Variants in GALE observed in about 807,000 individuals in gnomAD.
The protein encoded by GALE is UDP-galactose-4-epimerase, also known as UDP-glucose 4-epimerase.
A neutral mutation model predicts 44.1 loss-of-function variants in GALE; 32 were observed. The ratio of observed to expected loss-of-function variants is 0.73; its 90% CI spans 0.55 to 0.97. GALE has a LOEUF of 0.97. GALE is among the 50% of genes least tolerant of loss of function. The pLI is 0.00. For synonymous variants in GALE, 182 were observed against 183.5 expected (o/e 0.99, Z 0.06); for missense variants, 423 against 455.6 (o/e 0.93, Z 0.65).
chr1:23,796,447 G>A lies in GALE; in HGVS notation c.873+62C>T, dbSNP rs1201016375. The A allele has an allele frequency of 6.6e-6, 10 of 1,509,048 alleles. No individual in the cohort carries two copies. In the East Asian group the frequency reaches 2.2e-4, roughly 33 times the overall value. The allele number at this position is 1,509,048 out of a possible 1,614,324, so 93.5% of individuals were successfully genotyped here. ...GAGGTGAGTGGGAAGGGCCAAAGCT[G>A]CTCTGTTGCTGAGAGCTGGGTGGGG... On this transcript the variant is annotated intron_variant, in intron 10 of 11. Coordinates refer to ENST00000617979, the MANE Select transcript of GALE (RefSeq NM_001008216.2). This position sits in a 1 kb window ranked among gnomAD's most constrained non-coding sequence, Gnocchi z 5.2.
chr1:23,795,712 T>C lies in GALE; in HGVS notation c.*237A>G, dbSNP rs1638924640. 5.0e-6 allele frequency: 3 copies of C among 596,474 alleles called. No homozygotes were observed. The highest frequency in any genetic ancestry group is 1.9e-5 in the African/African-American group (1 of 53,828). The allele number at this position is 596,474 out of a possible 1,614,324, so 36.9% of individuals were successfully genotyped here. A position where few individuals can be genotyped will look rare whatever the true frequency, so the allele number is the denominator to read the frequency against. ...TTGTGCCAGAGCCTTGCCCCCTCAC[T>C]CACTCTTGGGGGTCCTGATGAACTC... On this transcript the variant is annotated 3_prime_UTR_variant, in exon 12 of 12. Coordinates refer to ENST00000617979, the MANE Select transcript of GALE (RefSeq NM_001008216.2).
chr1:23,799,085 C>T lies in GALE; in HGVS notation c.-5-73G>A, dbSNP rs1215131158. On this transcript the variant is annotated intron_variant, in intron 2 of 11. Coordinates refer to ENST00000617979, the MANE Select transcript of GALE (RefSeq NM_001008216.2). ...GAGCTTCCTTCCCACTGGAATCCTG[C>T]CCCCTAAGCTCGCTTTGGAAGGAGG... 8 of 1,602,726 alleles carry T rather than the reference C, an allele frequency of 5.0e-6. No individual in the cohort carries two copies. The Admixed American group carries it at 5.1e-5, about 10-fold the overall frequency.
Position 23,799,012 on chromosome 1 carries a change from C to T in GALE, c.-5G>A. The T allele has an allele frequency of 6.2e-7, 1 of 1,614,194 alleles. No individual in the cohort carries two copies. The highest frequency in any genetic ancestry group is 1.3e-5 in the African/African-American group (1 of 75,064). ...TACCAGCACCTTCTCTGCCATGGCA[C>T]CTGGCCCAGGATACAGAGTCTCAGA... On this transcript the variant is annotated splice_region_variant and 5_prime_UTR_variant, in exon 3 of 12. The change creates a new upstream start codon in the 5' untranslated region. Transcript: ENST00000617979.
intron 6 of GALE, 59 bp downstream of exon 6, chr1:23,797,636 G>A (rs1325933530): frequency 4.5e-6 from 7 of 1,541,078 alleles, no homozygotes; most frequent in Non-Finnish European, 6.3e-6. Flanking sequence ...TGGGCTCAGG[G>A]TGGGCCCTGA....
chr1:23,798,398 A>G lies in GALE; in HGVS notation c.238-168T>C, dbSNP rs886416290. ...CAGCTCACCGCAACCTCCACCTCCCAGGCTCAAGCCATCCTCCCATGCCAG... is the reference window on the plus strand; with the variant it reads ...CAGCTCACCGCAACCTCCACCTCCCGGGCTCAAGCCATCCTCCCATGCCAG... On this transcript the variant is annotated intron_variant, in intron 4 of 11. Transcript: ENST00000617979. The surrounding 1 kb of genome is among the most constrained non-coding windows in gnomAD (Gnocchi z 4.5). The G allele has an allele frequency of 3.5e-5, 25 of 704,228 alleles. No individual in the cohort carries two copies. The highest frequency in any genetic ancestry group is 6.1e-5 in the Non-Finnish European group (24 of 395,946). The allele number at this position is 704,228 out of a possible 1,614,324, so 43.6% of individuals were successfully genotyped here.
In GALE at chr1:23,796,540, A is replaced by G; in HGVS notation, c.842T>C (p.Val281Ala). 1 of 1,613,834 alleles carries G rather than the reference A, an allele frequency of 6.2e-7. No homozygotes were observed. The highest frequency in any genetic ancestry group is 8.5e-7 in the Non-Finnish European group (1 of 1,179,994). ...TGTGYSVLQM[V>A]QAMEKASGKK... ...CCCAGAGGCCTTCTCCATAGCCTGGACCATCTGCAGCACTGAATAGCCTGT... is the reference window on the plus strand; with the variant it reads ...CCCAGAGGCCTTCTCCATAGCCTGGGCCATCTGCAGCACTGAATAGCCTGT... Residue 281 changes from valine (V) to alanine (A), a missense_variant, in exon 10 of 12, where the codon GTC becomes GCC. Val to Ala is a moderately conservative substitution (Grantham distance 64). Transcript: ENST00000617979. This position sits in a 1 kb window ranked among gnomAD's most constrained non-coding sequence, Gnocchi z 5.2.
Position 23,796,144 on chromosome 1 carries a change from C to T in GALE, c.988+7G>A, listed in dbSNP as rs200182186. On this transcript the variant is annotated splice_region_variant and intron_variant, in intron 11 of 11. Transcript: ENST00000617979. This position sits in a 1 kb window ranked among gnomAD's most constrained non-coding sequence, Gnocchi z 5.2. ...CCCCTAACTGCAGGGGTCAGGCCAG[C>T]ACTCACACATCCTGTCCAGCCCTAA... 1.5e-4 allele frequency: 248 copies of T among 1,610,658 alleles called. No homozygotes were observed. In the East Asian group the frequency reaches 5.4e-3, roughly 35 times the overall value.
rs60276144 is a variant in GALE, at chr1:23,797,367, C to G, written c.529-220G>C. On this transcript the variant is annotated intron_variant, in intron 6 of 11. Coordinates refer to ENST00000617979, the MANE Select transcript of GALE (RefSeq NM_001008216.2). ...CCGAATAGCTGGGACCACAGGCACA[C>G]ACCACCATGGCCGGCTAATGTTTGT... Among the ~76,000 whole-genome samples, 20 of 152,268 alleles carry G rather than the reference C, an allele frequency of 1.3e-4. No individual in the cohort carries two copies. In the East Asian group the frequency reaches 3.9e-3, roughly 29 times the overall value.
chr1:23,796,720 G>A lies in GALE; in HGVS notation c.772C>T (p.Leu258=), dbSNP rs147618796. 901 of 1,613,028 alleles carry A rather than the reference G, an allele frequency of 5.6e-4. 8 individuals carry two copies. In the African/African-American group the frequency reaches 9.5e-3, roughly 17 times the overall value. The change falls in exon 9 of 12, where the codon CTG becomes TTG. Residue 258 remains leucine (L), a synonymous_variant. Transcript: ENST00000617979. This position sits in a 1 kb window ranked among gnomAD's most constrained non-coding sequence, Gnocchi z 5.2. ...AKGHIAALRK[L]KEQCGCRIYN... ...ACCCGGCAGCCACACTGTTCTTTCA[G>A]CTTCCTTAAGGCTGCAATGTGGCCC... is the stretch of plus-strand genomic sequence containing the variant.
Position 23,797,104 on chromosome 1 carries a change from G to A in GALE, c.572C>T (p.Ala191Val), listed in dbSNP as rs1367868809. The change falls in exon 7 of 12, where the codon GCC (alanine) becomes GTC (valine). Residue 191 changes from alanine (A) to valine (V), a missense_variant. By Grantham distance (64) the Ala-to-Val change is moderately conservative. Transcript: ENST00000617979. Reference protein sequence around the residue: ...VLLRYFNPTGAHASGCIGEDP... With the variant: ...VLLRYFNPTGVHASGCIGEDP... ...CTCACCAATGCAGCCAGAGGCATGG[G>A]CACCTGTGGGGTTGAAATAGCGCAG... 10 of 1,613,240 alleles carry A rather than the reference G, an allele frequency of 6.2e-6. No homozygotes were observed. Among genetic ancestry groups the A allele is most frequent in the Non-Finnish European group, 8.5e-6 (10 of 1,179,710 alleles).
rs1226120841 is a variant in GALE at position 23,796,573 on chromosome 1, C to T, written c.809G>A (p.Gly270Asp). ...CAGCACTGAATAGCCTGTGCCCGTG[C>T]CCAGGTTGTAGATCTGGCCCACGGA... ...EQCGCRIYNLGTGTGYSVLQM... is the reference protein window; with the variant it reads ...EQCGCRIYNLDTGTGYSVLQM... The change falls in exon 10 of 12, where the codon GGC becomes GAC. Residue 270 changes from glycine (G) to aspartate (D), a missense_variant. Coordinates refer to ENST00000617979, the MANE Select transcript of GALE (RefSeq NM_001008216.2). This position sits in a 1 kb window ranked among gnomAD's most constrained non-coding sequence, Gnocchi z 5.2. 6 of 1,614,118 alleles carry T rather than the reference C, an allele frequency of 3.7e-6. No homozygotes were observed. In the Admixed American group the frequency reaches 8.3e-5, roughly 22 times the overall value.
rs1639045064 is a variant in GALE, at chr1:23,798,797, C to T, written c.122-67G>A. On this transcript the variant is annotated intron_variant, in intron 3 of 11. Transcript: ENST00000617979. The surrounding 1 kb of genome is among the most constrained non-coding windows in gnomAD (Gnocchi z 4.5). ...GCTGTGTTCCCAGGGACTAGCCAGA[C>T]ACACATTCCCCGCCCGGTGGTGGAG... is the stretch of plus-strand genomic sequence containing the variant. 1 of 1,609,288 alleles carries T rather than the reference C, an allele frequency of 6.2e-7. No individual in the cohort carries two copies. Among genetic ancestry groups the T allele is most frequent in the Non-Finnish European group, 8.5e-7 (1 of 1,175,518 alleles).
Position 23,798,275 on chromosome 1 carries a change from C to T in GALE, c.238-45G>A, listed in dbSNP as rs772162232. On this transcript the variant is annotated intron_variant, in intron 4 of 11. Transcript: ENST00000617979. This position sits in a 1 kb window ranked among gnomAD's most constrained non-coding sequence, Gnocchi z 4.5. ...AGAGGTTGCTCTACTGGTTTTAGTC[C>T]TTGGCAATGCCCTCAGCCTGCCTGC... 1.6e-5 allele frequency: 22 copies of T among 1,381,476 alleles called. No individual in the cohort carries two copies. The highest frequency in any genetic ancestry group is 6.9e-5 in the East Asian group (3 of 43,762). The allele number at this position is 1,381,476 out of a possible 1,614,324, so 85.6% of individuals were successfully genotyped here. A position where few individuals can be genotyped will look rare whatever the true frequency, so the allele number is the denominator to read the frequency against.
Position 23,796,572 on chromosome 1 carries a change from G to A in GALE, c.810C>T (p.Gly270=), listed in dbSNP as rs1638962483. ...GCAGCACTGAATAGCCTGTGCCCGT[G>A]CCCAGGTTGTAGATCTGGCCCACGG... The part of the protein sequence containing the change: ...EQCGCRIYNL[G]TGTGYSVLQM... The change falls in exon 10 of 12, where the codon GGC becomes GGT. Residue 270 remains glycine (G), a synonymous_variant. Transcript: ENST00000617979. The surrounding 1 kb of genome is among the most constrained non-coding windows in gnomAD (Gnocchi z 5.2). 3 of 1,614,104 alleles carry A rather than the reference G, an allele frequency of 1.9e-6. No homozygotes were observed. In the East Asian group the frequency reaches 6.7e-5, roughly 36 times the overall value.
At chr1:23,797,256 A>G (rs1009496382) in intron 6 of GALE, 109 bp from the exon 7 acceptor site, 2 of 791,092 alleles carry the variant, frequency 2.5e-6, no homozygotes, top group Admixed American at 2.0e-5. Flanking sequence ...GAGTCTCACT[A>G]TGGCCCAGGC....
Position 23,796,197 on chromosome 1 carries a change from G to A in GALE, c.942C>T (p.Ala314=). The A allele has an allele frequency of 6.2e-7, 1 of 1,614,050 alleles. No individual in the cohort carries two copies. The highest frequency in any genetic ancestry group is 1.1e-5 in the South Asian group (1 of 91,078). The part of the protein sequence containing the change: ...VAACYANPSL[A]QEELGWTAAL... The stretch of plus-strand genomic sequence containing the variant: ...CTGCTGTCCACCCCAGCTCCTCTTG[G>A]GCCAGGCTGGGGTTGGCGTAACAGG... Residue 314 remains alanine, a synonymous_variant, in exon 11 of 12, where the codon GCC becomes GCT. Coordinates refer to ENST00000617979, the MANE Select transcript of GALE (RefSeq NM_001008216.2). The surrounding 1 kb of genome is among the most constrained non-coding windows in gnomAD (Gnocchi z 5.2).
At position 23,798,652 on chromosome 1, in the gene GALE, A is replaced by G; in HGVS notation, c.200T>C (p.Ile67Thr). ...ACGCTGTAGGGCTCCCTGGTCCAAA[A>G]TGTCCATCTCCTCAAACTCCACAGA... ...GRSVEFEEMD[I>T]LDQGALQRLF... The change falls in exon 4 of 12, where the codon ATT becomes ACT. Residue 67 changes from isoleucine (I) to threonine (T), a missense_variant. Transcript: ENST00000617979. The surrounding 1 kb of genome is among the most constrained non-coding windows in gnomAD (Gnocchi z 4.5). The G allele has an allele frequency of 3.7e-6, 6 of 1,613,756 alleles. No individual in the cohort carries two copies. The highest frequency in any genetic ancestry group is 5.1e-6 in the Non-Finnish European group (6 of 1,179,860).
intron 6 of GALE, 86 bp downstream of exon 6, chr1:23,797,609 G>T: frequency 7.5e-7 from 1 of 1,337,356 alleles, no homozygotes; most frequent in African/African-American, 1.4e-5. Context: ...TAGTGGGGGT[G>T]TTCGGAATCC....
In GALE at chr1:23,796,498, G is replaced by T. The variant is rs745736492; in HGVS notation, c.873+11C>A. On this transcript the variant is annotated intron_variant, in intron 10 of 11. Coordinates refer to ENST00000617979, the MANE Select transcript of GALE (RefSeq NM_001008216.2). The surrounding 1 kb of genome is among the most constrained non-coding windows in gnomAD (Gnocchi z 5.2). ...TGAGGTGGGTGAGGTGGGTGGGGCG[G>T]GGGGGCCTACCTTCTTCCCAGAGGC... 1 of 1,610,538 alleles carries T rather than the reference G, an allele frequency of 6.2e-7. No homozygotes were observed. Among genetic ancestry groups the T allele is most frequent in the South Asian group, 1.1e-5 (1 of 90,956 alleles).
Sources: gnomAD v4.1 joint callset for allele counts (sites outside exome capture counted in the v4.1 genomes callset) on GRCh38, gnomAD v4.1.1 for gene constraint, Gnocchi (gnomAD v3.1) non-coding constraint, MANE v1.5 for transcripts, NCBI Gene and HGNC (gene_info 2026-07-23, HGNC 2026-07-21) for gene names.